TSPAN18: variants seen among roughly 807,000 people sequenced by gnomAD.
TSPAN18 encodes tetraspanin 18, also known as tetraspanin-18.
Under a neutral mutation model 27.3 loss-of-function variants are expected in TSPAN18, and 14 were observed. That is an observed-to-expected ratio of 0.51 (90% CI 0.34 to 0.80). The LOEUF (loss-of-function observed/expected upper bound fraction) is 0.80. Among genes scored for constraint, TSPAN18 ranks in the 30% least tolerant of loss-of-function variants. TSPAN18 has a pLI of 0.01. For missense variants in TSPAN18, 268 were observed against 323.9 expected, an observed-to-expected ratio of 0.83 and a Z score of 1.32; for synonymous variants, 143 against 136.5, an observed-to-expected ratio of 1.05 and a Z score of -0.33.
Position 44,786,538 on chromosome 11 carries a change from C to T in TSPAN18, c.-153+22026C>T, listed in dbSNP as rs544206308. Among the ~76,000 whole-genome samples, 11 of 152,046 alleles carry T rather than the reference C, an allele frequency of 7.2e-5. 1 individual carries two copies. The South Asian group carries it at 8.3e-4, about 11-fold the overall frequency. ...GGCAAGCATGAGGGCTCTCCTCCCC[C>T]GGACCCTGCTGGTGAGTGGAAGTTG... On this transcript the variant is annotated intron_variant, in intron 2 of 9. Coordinates refer to ENST00000520358, the MANE Select transcript of TSPAN18 (RefSeq NM_130783.5).
intron 1 of TSPAN18, among the ~76,000 whole-genome samples, chr11:44,762,684 T>C (rs569476086): frequency 6.6e-6 from 1 of 152,262 alleles, no homozygotes; most frequent in East Asian, 1.9e-4. Context: ...ATTCCTCTGA[T>C]TGTAGCCTTA....
At chr11:44,743,060 G>GGA (rs919828660) in intron 1 of TSPAN18, among the ~76,000 whole-genome samples, 10 of 152,252 alleles carry the variant, frequency 6.6e-5, no homozygotes, top group Admixed American at 5.9e-4. Context: ...TCCTCCCCTG[G>GGA]GGACCGGCAG....
At chr11:44,900,681 T>C (rs1003664197) in intron 3 of TSPAN18, among the ~76,000 whole-genome samples, 3 of 5,094 alleles carry the variant, frequency 5.9e-4, no homozygotes, top group Non-Finnish European at 9.6e-4. Flanking sequence ...TGAGGAAGGC[T>C]TTTTTTTTTT....
At chr11:44,732,180 G>A (rs1006065127) in intron 1 of TSPAN18, among the ~76,000 whole-genome samples, 1 of 152,220 alleles carries the variant, frequency 6.6e-6, no homozygotes, top group African/African-American at 2.4e-5. Flanking sequence ...AGCGGCTTGG[G>A]AGGGGCCAGG....
At position 44,931,130 on chromosome 11, in the gene TSPAN18, G is replaced by C; in HGVS notation, c.*1952G>C. On this transcript the variant is annotated 3_prime_UTR_variant, in exon 10 of 10. Transcript: ENST00000520358. ...CTCTGAGCTCAGTGTTACCAAATTC[G>C]CCCTTTAACAGCTTGCTCTGGCAAC... The C allele has an allele frequency of 2.8e-6, 1 of 356,182 alleles. No individual in the cohort carries two copies. The highest frequency in any genetic ancestry group is 7.6e-5 in the East Asian group (1 of 13,226). The allele number at this position is 356,182 out of a possible 1,614,324, so 22.1% of individuals were successfully genotyped here.
In TSPAN18 at chr11:44,926,695, A is replaced by T. The variant is rs745900683; in HGVS notation, c.637A>T (p.Asn213Tyr). 2.5e-6 allele frequency: 4 copies of T among 1,614,010 alleles called. 1 individual carries two copies. The South Asian group carries it at 4.4e-5, about 18-fold the overall frequency. The change falls in exon 9 of 10, where the codon AAC (asparagine) becomes TAC (tyrosine). Residue 213 changes from asparagine to tyrosine, a missense_variant. Coordinates refer to ENST00000520358, the MANE Select transcript of TSPAN18 (RefSeq NM_130783.5). Reference sequence around the variant, plus strand: ...CCAGGGCTGTTACACGGTGATCCTCAACACCTTCGAGACCTACGTCTACTT... The same window carrying T: ...CCAGGGCTGTTACACGGTGATCCTCTACACCTTCGAGACCTACGTCTACTT... ...NKQGCYTVIL[N>Y]TFETYVYLAG...
intron 2 of TSPAN18, among the ~76,000 whole-genome samples, chr11:44,850,708 A>C (rs1857580067): frequency 6.6e-6 from 1 of 152,140 alleles, no homozygotes; most frequent in African/African-American, 2.4e-5. Context: ...TAAGGTATCT[A>C]AGGTCACATA....
At chr11:44,816,785 C>T (rs1856826054) in intron 2 of TSPAN18, among the ~76,000 whole-genome samples, 2 of 152,234 alleles carry the variant, frequency 1.3e-5, no homozygotes, top group South Asian at 4.1e-4. Context: ...CTGCTGCTGT[C>T]TGGGTGCAGG....
intron 3 of TSPAN18, among the ~76,000 whole-genome samples, chr11:44,888,206 T>C (rs1380842721): frequency 1.3e-5 from 2 of 152,120 alleles, no homozygotes; most frequent in Non-Finnish European, 2.9e-5. Flanking sequence ...AGCCGGCAGG[T>C]GCCCGGGACT....
Position 44,757,992 on chromosome 11 carries a change from T to C in TSPAN18, c.-239-6434T>C, listed in dbSNP as rs184913211. Among the ~76,000 whole-genome samples the C allele has an allele frequency of 3.4e-3, 512 of 152,344 alleles. 3 individuals carry two copies. The highest frequency in any genetic ancestry group is 0.011 in the African/African-American group (463 of 41,582). ...TTTCATGAAGTCTGGTTTGTCTATT[T>C]TTCCTTTTGTTGTCTGGGCTTTTAG... On this transcript the variant is annotated intron_variant, in intron 1 of 9. Coordinates refer to ENST00000520358, the MANE Select transcript of TSPAN18 (RefSeq NM_130783.5).
chr11:44,878,784 TG>T (rs1858409707), intron 3 of TSPAN18, among the ~76,000 whole-genome samples: 1 of 152,226 alleles, frequency 6.6e-6, no homozygotes. Context: ...TATAGTCAAA[TG>T]TGCTCTCCCA....
intron 4 of TSPAN18, among the ~76,000 whole-genome samples, chr11:44,908,814 A>AAGGAAGGAAG (rs1554938130): frequency 3.5e-5 from 4 of 114,796 alleles, no homozygotes; most frequent in South Asian, 2.8e-4. Context: ...AAAGAAAGAA[A>AAGGAAGGAAG]GAAAGAAAGA....
intron 2 of TSPAN18, among the ~76,000 whole-genome samples, chr11:44,772,982 T>C (rs922698722): frequency 2.0e-5 from 3 of 152,006 alleles, no homozygotes; most frequent in Non-Finnish European, 4.4e-5. Flanking sequence ...ATTCTCCAAA[T>C]GAACAGGTAT....
intron 2 of TSPAN18, among the ~76,000 whole-genome samples, chr11:44,799,385 C>T (rs931710482): frequency 6.6e-6 from 1 of 152,208 alleles, no homozygotes; most frequent in Non-Finnish European, 1.5e-5. Context: ...CCCACGACAC[C>T]ATGCCAACCT....
chr11:44,738,034 T>A (rs962725430), intron 1 of TSPAN18, among the ~76,000 whole-genome samples: 1 of 152,208 alleles, frequency 6.6e-6, no homozygotes, highest in Non-Finnish European at 1.5e-5. Flanking sequence ...GTGTAATTTT[T>A]TTTTTTAACA....
At chr11:44,870,825 A>G (rs1359233770) in intron 3 of TSPAN18, among the ~76,000 whole-genome samples, 1 of 152,176 alleles carries the variant, frequency 6.6e-6, no homozygotes, top group Non-Finnish European at 1.5e-5. Flanking sequence ...ACTACACTCC[A>G]TTCTGCTGGG....
At position 44,783,660 on chromosome 11, in the gene TSPAN18, G is replaced by C. The variant is rs548566021; in HGVS notation, c.-153+19148G>C. 1.1e-4 allele frequency among the ~76,000 whole-genome samples: 16 copies of C among 152,230 alleles called. No individual in the cohort carries two copies. In the East Asian group the frequency reaches 2.7e-3, roughly 26 times the overall value. On this transcript the variant is annotated intron_variant, in intron 2 of 9. Transcript: ENST00000520358. ...AGTCCGCCTGCCTCAGCCTCCCAGAGTGCTGGGATTACAGGCGTGAGCCAC... is the reference window on the plus strand; with the variant it reads ...AGTCCGCCTGCCTCAGCCTCCCAGACTGCTGGGATTACAGGCGTGAGCCAC...
chr11:44,893,490 G>A (rs1565195041), intron 3 of TSPAN18, among the ~76,000 whole-genome samples: 1 of 152,274 alleles, frequency 6.6e-6, no homozygotes, highest in East Asian at 1.9e-4. Flanking sequence ...TTGGGATGAG[G>A]CCCAGCAGGC....
At chr11:44,737,726 C>G (rs1343698867) in intron 1 of TSPAN18, among the ~76,000 whole-genome samples, 1 of 152,100 alleles carries the variant, frequency 6.6e-6, no homozygotes. Context: ...GTGACCTCTG[C>G]CCCCTCCCCA....
Sources: gnomAD v4.1 joint callset for allele counts (sites outside exome capture counted in the v4.1 genomes callset) on GRCh38, gnomAD v4.1.1 for gene constraint, MANE v1.5 for transcripts, NCBI Gene and HGNC (gene_info 2026-07-23, HGNC 2026-07-21) for gene names.